The following GPC5 variants were observed in gnomAD, a reference collection of about 807,000 sequenced individuals.
GPC5 encodes glypican 5.
A neutral mutation model predicts 53.9 loss-of-function variants in GPC5; 47 were observed. That is an observed-to-expected ratio of 0.87 (90% CI 0.69 to 1.11). The LOEUF (loss-of-function observed/expected upper bound fraction) is 1.11, where lower values mean the gene tolerates loss of function less well. Among genes scored for constraint, GPC5 ranks in the 50% most tolerant of loss-of-function variants. The probability of loss-of-function intolerance (pLI) is 0.00; values close to 1 mark genes in which losing one functional copy is unlikely to be tolerated. For synonymous variants in GPC5, 286 were observed against 263.3 expected (o/e 1.09, Z -0.84); for missense variants, 748 against 713.1 (o/e 1.05, Z -0.56).
At chr13:91,958,959 C>CA (rs2040099837) in intron 6 of GPC5, among the ~76,000 whole-genome samples, 1 of 151,508 alleles carries the variant, frequency 6.6e-6, no homozygotes, top group East Asian at 1.9e-4. Flanking sequence ...TCTAATAATG[C>CA]ACCTTGAGTA....
At chr13:91,404,443 A>C (rs1877174395) in intron 1 of GPC5, among the ~76,000 whole-genome samples, 1 of 152,232 alleles carries the variant, frequency 6.6e-6, no homozygotes, top group African/African-American at 2.4e-5. Flanking sequence ...ATAGCAATTA[A>C]TTTTAATAGA....
chr13:92,802,558 A>G (rs1191523355), intron 7 of GPC5, among the ~76,000 whole-genome samples: 1 of 151,932 alleles, frequency 6.6e-6, no homozygotes, highest in Admixed American at 6.6e-5. Flanking sequence ...CAAATGTCCA[A>G]CAATGATAGA....
intron 2 of GPC5, among the ~76,000 whole-genome samples, chr13:91,680,220 G>A (rs1015124431): frequency 6.6e-6 from 1 of 152,186 alleles, no homozygotes; most frequent in African/African-American, 2.4e-5. Flanking sequence ...GGAGGCCGAG[G>A]GGGGCAGATC....
chr13:92,103,923 G>A (rs1269485275), intron 6 of GPC5, among the ~76,000 whole-genome samples: 2 of 152,088 alleles, frequency 1.3e-5, no homozygotes, highest in African/African-American at 4.8e-5. Context: ...AGCCCCACAT[G>A]GACATCTCAT....
At chr13:91,999,604 C>T (rs9589396) in intron 6 of GPC5, among the ~76,000 whole-genome samples, 3 of 152,030 alleles carry the variant, frequency 2.0e-5, no homozygotes, top group African/African-American at 7.2e-5. Flanking sequence ...AAAATGAATA[C>T]TCAAACAACA....
rs992299370 is a variant in GPC5 at position 91,738,093 on chromosome 13, A to C, written c.1154+9428A>C. ...GTGGAGGAAAGGGATGGGAAATAAA[A>C]TTTGCCTTGTTACACAGGTAAACTT... On this transcript the variant is annotated intron_variant, in intron 4 of 7. Transcript: ENST00000377067. Among the ~76,000 whole-genome samples the C allele has an allele frequency of 8.6e-5, 13 of 151,274 alleles. 1 individual carries two copies. The highest frequency in any genetic ancestry group is 3.2e-4 in the African/African-American group (13 of 40,628).
intron 5 of GPC5, among the ~76,000 whole-genome samples, chr13:91,812,238 GT>G (rs1172598588): frequency 1.3e-5 from 2 of 152,180 alleles, no homozygotes; most frequent in Non-Finnish European, 2.9e-5. Flanking sequence ...TTGCTTTTAA[GT>G]TGATTAAATC....
At position 92,042,042 on chromosome 13, in the gene GPC5, T is replaced by C. The variant is rs896830751; in HGVS notation, c.1402-102788T>C. 7.2e-5 allele frequency among the ~76,000 whole-genome samples: 11 copies of C among 152,160 alleles called. 1 individual carries two copies. Among genetic ancestry groups the C allele is most frequent in the Admixed American group, 3.9e-4 (6 of 15,274 alleles). ...TAAATAGTGCTCTGAATGAAGCAGC[T>C]GGGATAGGTATGCACAGGTGCACAA... On this transcript the variant is annotated intron_variant, in intron 6 of 7. Coordinates refer to ENST00000377067, the MANE Select transcript of GPC5 (RefSeq NM_004466.6).
At chr13:92,177,634 C>T (rs1197126024) in intron 7 of GPC5, among the ~76,000 whole-genome samples, 2 of 152,090 alleles carry the variant, frequency 1.3e-5, no homozygotes, top group Non-Finnish European at 2.9e-5. Flanking sequence ...TTTCTTGCAT[C>T]CCAGAAGCTT....
At chr13:92,474,399 G>A (rs1405576614) in intron 7 of GPC5, among the ~76,000 whole-genome samples, 1 of 151,912 alleles carries the variant, frequency 6.6e-6, no homozygotes, top group African/African-American at 2.4e-5. Flanking sequence ...ATTGTGTTAC[G>A]GTGGCCATTT....
intron 7 of GPC5, among the ~76,000 whole-genome samples, chr13:92,512,262 G>GCA (rs1566622185): frequency 2.0e-5 from 3 of 151,856 alleles, no homozygotes; most frequent in South Asian, 2.1e-4. Context: ...GCGCGCGCGC[G>GCA]CGTACGCTGT....
At chr13:91,488,884 A>G (rs889135484) in intron 2 of GPC5, among the ~76,000 whole-genome samples, 1 of 152,216 alleles carries the variant, frequency 6.6e-6, no homozygotes, top group African/African-American at 2.4e-5. Context: ...AGCAAGGAAC[A>G]TCCCTGAGAA....
intron 7 of GPC5, among the ~76,000 whole-genome samples, chr13:92,353,265 T>TTAAAAAAAA (rs2043494966): frequency 2.6e-5 from 1 of 38,018 alleles, no homozygotes; most frequent in African/African-American, 1.3e-4. Context: ...AGACTCCGTC[T>TTAAAAAAAA]CAAAAAAAAA....
At chr13:91,543,962 T>C (rs1350417571) in intron 2 of GPC5, among the ~76,000 whole-genome samples, 1 of 152,218 alleles carries the variant, frequency 6.6e-6, no homozygotes, top group Non-Finnish European at 1.5e-5. Context: ...TCATAATTTT[T>C]ATTGTTCATC....
chr13:91,421,119 A>G, intron 1 of GPC5, among the ~76,000 whole-genome samples: 1 of 152,366 alleles, frequency 6.6e-6, no homozygotes, highest in South Asian at 2.1e-4. Flanking sequence ...TTACAAATTA[A>G]CATCATCTTC....
intron 6 of GPC5, among the ~76,000 whole-genome samples, chr13:91,974,551 C>T (rs2040278933): frequency 6.6e-6 from 1 of 151,964 alleles, no homozygotes; most frequent in African/African-American, 2.4e-5. Context: ...ACCTAGGAAT[C>T]CAACTTACAA....
intron 6 of GPC5, chr13:91,994,874 T>TC (rs397726965): frequency 6.6e-6 from 1 of 151,868 alleles, no homozygotes; most frequent in African/African-American, 2.4e-5. Flanking sequence ...GAAATTTATT[T>TC]AATTCCAGTG....
intron 7 of GPC5, among the ~76,000 whole-genome samples, chr13:92,692,217 T>TA (rs1233332843): frequency 6.6e-6 from 1 of 152,144 alleles, no homozygotes; most frequent in East Asian, 1.9e-4. Flanking sequence ...TCATTTTTTT[T>TA]ATGGCTGCAT....
chr13:91,779,691 A>G (rs1378813550), intron 5 of GPC5, among the ~76,000 whole-genome samples: 1 of 152,168 alleles, frequency 6.6e-6, no homozygotes, highest in Middle Eastern at 3.2e-3. Flanking sequence ...GTAATTAAAA[A>G]CAAAGACACA....
Sources: allele counts gnomAD v4.1 joint callset (sites outside exome capture counted in the v4.1 genomes callset), GRCh38; gene constraint gnomAD v4.1.1; transcripts MANE v1.5; gene names NCBI Gene and HGNC (gene_info 2026-07-23, HGNC 2026-07-21).